IHO1: variants seen among roughly 807,000 people sequenced by gnomAD.
IHO1 encodes the protein interactor of HORMAD1 1.
A neutral mutation model predicts 31.0 loss-of-function variants in IHO1; 13 were observed. The observed-to-expected ratio is 0.42, with a 90% confidence interval of 0.27 to 0.67. The LOEUF (loss-of-function observed/expected upper bound fraction) is 0.67. Among genes scored for constraint, IHO1 ranks in the 30% least tolerant of loss-of-function variants. The probability of loss-of-function intolerance (pLI) is 0.24; values close to 1 mark genes in which losing one functional copy is unlikely to be tolerated. For synonymous variants in IHO1, 221 were observed against 248.4 expected (o/e 0.89, Z 1.04); for missense variants, 599 against 687.5 (o/e 0.87, Z 1.44).
intron 2 of IHO1, among the ~76,000 whole-genome samples, chr3:49,224,275 T>C (rs1311459653): frequency 6.6e-6 from 1 of 152,150 alleles, no homozygotes; most frequent in African/African-American, 2.4e-5. Flanking sequence ...CCGTAGGTAT[T>C]TCTAATGGGA....
At position 49,228,748 on chromosome 3, in the gene IHO1, G is replaced by T. The variant is rs1277559120; in HGVS notation, c.57-7800G>T. Among the ~76,000 whole-genome samples, 4 of 152,286 alleles carry T rather than the reference G, an allele frequency of 2.6e-5. No homozygotes were observed. The South Asian group carries it at 8.3e-4, about 32-fold the overall frequency. ...GAGTGAAGCCATGGATCTTTGTGGC[G>T]AGTGTCACAGCTCTTAAAGGTGGTG... On this transcript the variant is annotated intron_variant, in intron 2 of 7. Transcript: ENST00000452691.
intron 2 of IHO1, among the ~76,000 whole-genome samples, chr3:49,219,419 C>T (rs2046325689): frequency 6.6e-6 from 1 of 152,184 alleles, no homozygotes; most frequent in African/African-American, 2.4e-5. Context: ...TTTGGCCCAT[C>T]CCTTTGTTTC....
intron 1 of IHO1, among the ~76,000 whole-genome samples, chr3:49,202,851 A>ATTTTTTTTTTTT (rs71077774): frequency 1.1e-5 from 1 of 90,148 alleles, no homozygotes; most frequent in African/African-American, 4.5e-5. Context: ...AATTTTTTGT[A>ATTTTTTTTTTTT]TTTTTTTTTT....
At chr3:49,223,690 C>CA (rs879893768) in intron 2 of IHO1, among the ~76,000 whole-genome samples, 108 of 130,082 alleles carry the variant, frequency 8.3e-4, no homozygotes, top group East Asian at 5.5e-3. Context: ...GACTCCGTCT[C>CA]AAAAAAAAAA....
Position 49,236,636 on chromosome 3 carries a change from C to T in IHO1, c.145C>T (p.Pro49Ser). ...SQFLFGSQFC[P>S]ENSETLSAPL... Reference sequence around the variant, plus strand: ...GTTCCTCTTTGGATCTCAGTTCTGTCCAGAAAATTCAGAAACCCTATCAGC... The same window carrying T: ...GTTCCTCTTTGGATCTCAGTTCTGTTCAGAAAATTCAGAAACCCTATCAGC... The change falls in exon 3 of 8, where the codon CCA becomes TCA. Residue 49 changes from proline to serine, a missense_variant. Pro to Ser is a moderately conservative substitution (Grantham distance 74). Coordinates refer to ENST00000452691, the MANE Select transcript of IHO1 (RefSeq NM_001135197.2). 1 of 1,613,730 alleles carries T rather than the reference C, an allele frequency of 6.2e-7. No individual in the cohort carries two copies. The highest frequency in any genetic ancestry group is 8.5e-7 in the Non-Finnish European group (1 of 1,179,712).
chr3:49,193,942 A>G (rs998662576), upstream of IHO1, among the ~76,000 whole-genome samples: 12 of 149,404 alleles, frequency 8.0e-5, no homozygotes. Flanking sequence ...AGCCTGGGTG[A>G]CGGAGTGAGA....
At position 49,241,485 on chromosome 3, in the gene IHO1, T is replaced by A. The variant is rs2046630192; in HGVS notation, c.395+96T>A. 39 of 1,180,896 alleles carry A rather than the reference T, an allele frequency of 3.3e-5. No homozygotes were observed. In the South Asian group the frequency reaches 6.0e-4, roughly 18 times the overall value. The allele number at this position is 1,180,896 out of a possible 1,614,324, so 73.2% of individuals were successfully genotyped here. A position where few individuals can be genotyped will look rare whatever the true frequency, so the allele number is the denominator to read the frequency against. On this transcript the variant is annotated intron_variant, in intron 4 of 7. Transcript: ENST00000452691. Reference sequence around the variant, plus strand: ...ATTAAATAATTCAATTTTAGCATAATAGCATGTATTAGAGTTCTCCAGAGA... The same window carrying A: ...ATTAAATAATTCAATTTTAGCATAAAAGCATGTATTAGAGTTCTCCAGAGA...
At chr3:49,232,325 G>T (rs2099526) in intron 2 of IHO1, among the ~76,000 whole-genome samples, 111,317 of 152,126 alleles carry the variant, frequency 0.73, 41,246 homozygotes, top group East Asian at 0.99. Context: ...AATCTAGCAT[G>T]ATTGACTTTA....
intron 3 of IHO1, among the ~76,000 whole-genome samples, chr3:49,239,451 T>G (rs1222367024): frequency 6.6e-6 from 1 of 151,026 alleles, no homozygotes; most frequent in Non-Finnish European, 1.5e-5. Context: ...CCAGCTAATT[T>G]TTGTATTTTT....
intron 2 of IHO1, among the ~76,000 whole-genome samples, chr3:49,221,150 C>T (rs1335403556): frequency 6.7e-6 from 1 of 149,638 alleles, no homozygotes. Flanking sequence ...TGTGTTTTTA[C>T]AGAGTGCTGA....
intron 1 of IHO1, among the ~76,000 whole-genome samples, chr3:49,200,251 G>C (rs1024383384): frequency 1.3e-5 from 2 of 151,978 alleles, no homozygotes; most frequent in Non-Finnish European, 2.9e-5. Context: ...GATCTCCTGA[G>C]GTCAGGAGCT....
rs562978940 is a variant in IHO1, at chr3:49,227,577, AC to A, written c.57-8968del. Among the ~76,000 whole-genome samples the A allele has an allele frequency of 5.9e-3, 892 of 152,258 alleles. 9 individuals carry two copies. Among genetic ancestry groups the A allele is most frequent in the African/African-American group, 0.02 (850 of 41,546 alleles). ...TACTGACACATTCTCGAAAACCTGC[AC>A]CCTTGCCTGTCTTCCTAGATCACAA... On this transcript the variant is annotated intron_variant, in intron 2 of 7. Transcript: ENST00000452691.
chr3:49,215,170 C>T (rs1228538786), intron 2 of IHO1, among the ~76,000 whole-genome samples: 4 of 151,896 alleles, frequency 2.6e-5, no homozygotes, highest in Non-Finnish European at 4.4e-5. Flanking sequence ...CCTGCCTTAG[C>T]GCCCCCAGTA....
At chr3:49,221,758 A>G (rs1172919564) in intron 2 of IHO1, among the ~76,000 whole-genome samples, 2 of 152,202 alleles carry the variant, frequency 1.3e-5, no homozygotes, top group South Asian at 4.1e-4. Flanking sequence ...ATACTAGAGG[A>G]AACAAATTTG....
chr3:49,256,239 C>T lies in IHO1; in HGVS notation c.742C>T (p.Leu248=). ...GCAGCTGTGTGAGCAGCTAGGCCAG[C>T]TGAATGTGCCCAGTGTCCTAGCAGA... The part of the protein sequence containing the change: ...FQQLCEQLGQ[L]NVPSVLAELK... The change falls in exon 8 of 8, where the codon CTG becomes TTG. Residue 248 remains leucine, a synonymous_variant. Coordinates refer to ENST00000452691, the MANE Select transcript of IHO1 (RefSeq NM_001135197.2). The surrounding 1 kb of genome is among the most constrained non-coding windows in gnomAD (Gnocchi z 4.6). 6.2e-7 allele frequency: 1 copy of T among 1,614,174 alleles called. No individual in the cohort carries two copies. The highest frequency in any genetic ancestry group is 8.5e-7 in the Non-Finnish European group (1 of 1,180,030).
intron 3 of IHO1, 94 bp downstream of exon 3, chr3:49,236,816 T>C: frequency 8.2e-7 from 1 of 1,222,332 alleles, no homozygotes. Context: ...GTGCAATGGC[T>C]GACACCTGTA....
At chr3:49,204,330 A>T (rs922973655) in intron 1 of IHO1, among the ~76,000 whole-genome samples, 1 of 152,140 alleles carries the variant, frequency 6.6e-6, no homozygotes, top group Non-Finnish European at 1.5e-5. Context: ...CCAGTTTTTC[A>T]TATATACTAG....
In IHO1 at chr3:49,213,058, C is replaced by G. The variant is rs141105669; in HGVS notation, c.56+1222C>G. 2.8e-3 allele frequency among the ~76,000 whole-genome samples: 434 copies of G among 152,292 alleles called. 2 individuals are homozygous for G. The highest frequency in any genetic ancestry group is 0.01 in the African/African-American group (422 of 41,546). On this transcript the variant is annotated intron_variant, in intron 2 of 7. Coordinates refer to ENST00000452691, the MANE Select transcript of IHO1 (RefSeq NM_001135197.2). ...TCCCTGAGCTAGACACAAAAGTTCT[C>G]CAAGTCCCCACAGAGCACTGATTGG...
intron 1 of IHO1, among the ~76,000 whole-genome samples, chr3:49,206,147 G>T (rs1462762022): frequency 6.6e-6 from 1 of 151,944 alleles, no homozygotes; most frequent in African/African-American, 2.4e-5. Context: ...TGTATTTTTA[G>T]TAGAGACGGG....
Sources: allele counts gnomAD v4.1 joint callset (sites outside exome capture counted in the v4.1 genomes callset), GRCh38; gene constraint gnomAD v4.1.1; non-coding constraint Gnocchi (gnomAD v3.1); transcripts MANE v1.5; gene names NCBI Gene and HGNC (gene_info 2026-07-23, HGNC 2026-07-21).